The following GLI2 variants were observed in gnomAD, a reference collection of about 807,000 sequenced individuals.
GLI2 encodes the protein transcription activator GLI2.
GLI2 carries 22 observed loss-of-function variants against 78.9 expected under a neutral mutation model. That is an observed-to-expected ratio of 0.28 (90% confidence interval 0.20 to 0.40). GLI2 has a LOEUF of 0.40. Ranked by LOEUF, GLI2 falls within the 10% of genes least tolerant of loss-of-function variation. The pLI is 1.00. For missense variants in GLI2, 2,097 were observed against 2,213.2 expected (o/e 0.95, Z 1.05); for synonymous variants, 974 against 963.7 (o/e 1.01, Z -0.20).
chr2:120,824,946 C>T (rs1395829578), intron 2 of GLI2, among the ~76,000 whole-genome samples: 1 of 152,162 alleles, frequency 6.6e-6, no homozygotes. Flanking sequence ...AGCAATCCTC[C>T]CACCTCACCC....
intron 1 of GLI2, among the ~76,000 whole-genome samples, chr2:120,795,743 A>G (rs1028573062): frequency 4.0e-5 from 6 of 151,558 alleles, no homozygotes; most frequent in African/African-American, 1.5e-4. Flanking sequence ...TATCTTCCCC[A>G]CCACCTTCTT....
rs551524843 is a variant in GLI2 at position 120,835,132 on chromosome 2, C to G, written c.148+37664C>G. On this transcript the variant is annotated intron_variant, in intron 2 of 13. Transcript: ENST00000361492. The stretch of plus-strand genomic sequence containing the variant: ...GAAAGTGATCATCAAACAGTGAAGA[C>G]CAGGATTTGGGGGTGGTATGGGTGG... Among the ~76,000 whole-genome samples, 564 of 152,188 alleles carry G rather than the reference C, an allele frequency of 3.7e-3. 2 individuals are homozygous for G. Among genetic ancestry groups the G allele is most frequent in the Admixed American group, 6.4e-3 (98 of 15,286 alleles).
intron 2 of GLI2, among the ~76,000 whole-genome samples, chr2:120,924,637 T>G (rs945223986): frequency 6.6e-6 from 1 of 152,192 alleles, no homozygotes; most frequent in Non-Finnish European, 1.5e-5. Flanking sequence ...TTTAAGGCCC[T>G]TTTCTACACA....
chr2:120,853,653 A>G (rs1687511461), intron 2 of GLI2, among the ~76,000 whole-genome samples: 1 of 152,222 alleles, frequency 6.6e-6, no homozygotes, highest in African/African-American at 2.4e-5. Context: ...TCATTTTCCA[A>G]TGAAGGTCTC....
chr2:120,969,445 C>T (rs1051659406), intron 6 of GLI2, among the ~76,000 whole-genome samples: 4 of 152,336 alleles, frequency 2.6e-5, no homozygotes, highest in East Asian at 1.9e-4. Context: ...CCAGCACCTC[C>T]GGAAGAGGCC....
At chr2:120,922,633 G>C (rs941846251) in intron 2 of GLI2, among the ~76,000 whole-genome samples, 6 of 152,212 alleles carry the variant, frequency 3.9e-5, no homozygotes, top group Non-Finnish European at 7.3e-5. Flanking sequence ...CCATGAGGCA[G>C]CAGACCTTGC....
intron 2 of GLI2, among the ~76,000 whole-genome samples, chr2:120,817,742 TC>T (rs1025470758): frequency 2.6e-5 from 4 of 152,080 alleles, no homozygotes; most frequent in African/African-American, 9.7e-5. Flanking sequence ...GTGCTGGATG[TC>T]CCAGGCTGTG....
chr2:120,970,549 C>T lies in GLI2; in HGVS notation c.1002C>T (p.Ile334=). The T allele has an allele frequency of 6.2e-7, 1 of 1,614,186 alleles. No homozygotes were observed. The highest frequency in any genetic ancestry group is 8.5e-7 in the Non-Finnish European group (1 of 1,180,024). Reference sequence around the variant, plus strand: ...AGCAGCCCATGGCCCTCACCTCCATCAATGCCACGCCCACCCAGCTCAGCA... The same window carrying T: ...AGCAGCCCATGGCCCTCACCTCCATTAATGCCACGCCCACCCAGCTCAGCA... The part of the protein sequence containing the change: ...LAQQPMALTS[I]NATPTQLSSS... The change falls in exon 7 of 14, where the codon ATC becomes ATT. Residue 334 remains isoleucine, a synonymous_variant. Coordinates refer to ENST00000361492, the MANE Select transcript of GLI2 (RefSeq NM_001374353.1).
Position 120,955,251 on chromosome 2 carries a change from A to C in GLI2, c.464A>C (p.Gln155Pro). Residue 155 changes from glutamine to proline, a missense_variant, in exon 5 of 14, where the codon CAG (glutamine) becomes CCG (proline). Coordinates refer to ENST00000361492, the MANE Select transcript of GLI2 (RefSeq NM_001374353.1). Reference sequence around the variant, plus strand: ...CTCTCCCCTCTGCCCACAGTGGCCCAGGAGCACCTTAAGGAGAGGGGACTG... The same window carrying C: ...CTCTCCCCTCTGCCCACAGTGGCCCCGGAGCACCTTAAGGAGAGGGGACTG... The part of the protein sequence containing the change: ...ARGLSPADVA[Q>P]EHLKERGLFG... The C allele has an allele frequency of 6.5e-7, 1 of 1,550,226 alleles. No individual in the cohort carries two copies.
chr2:120,947,059 G>A (rs1001971890), intron 3 of GLI2, among the ~76,000 whole-genome samples: 2 of 152,220 alleles, frequency 1.3e-5, no homozygotes, highest in African/African-American at 2.4e-5. Flanking sequence ...GTGATGACCT[G>A]GTAGGGGTGG....
chr2:120,887,936 C>A (rs956473988), intron 2 of GLI2, among the ~76,000 whole-genome samples: 3 of 152,240 alleles, frequency 2.0e-5, no homozygotes, highest in African/African-American at 7.2e-5. Flanking sequence ...TGCTCCACTC[C>A]AAGCCAGGGA....
intron 10 of GLI2, 142 bp downstream of exon 10, chr2:120,978,725 T>C: frequency 1.1e-6 from 1 of 908,490 alleles, no homozygotes; most frequent in Non-Finnish European, 1.7e-6. Context: ...CAGGAGCCTG[T>C]TCCCACCCTG....
At chr2:120,977,806 A>T (rs965176682) in intron 9 of GLI2, among the ~76,000 whole-genome samples, 33 of 152,312 alleles carry the variant, frequency 2.2e-4, no homozygotes, top group African/African-American at 7.7e-4. Flanking sequence ...CACCACGCCG[A>T]CTGCCAGGGC....
intron 2 of GLI2, among the ~76,000 whole-genome samples, chr2:120,828,861 C>CAAAAAAAA (rs3053863): frequency 1.6e-5 from 2 of 125,970 alleles, no homozygotes; most frequent in Non-Finnish European, 1.6e-5. Flanking sequence ...CTTCCAACTC[C>CAAAAAAAA]AAAAAAAAAA....
intron 1 of GLI2, among the ~76,000 whole-genome samples, chr2:120,780,427 G>A (rs1019771981): frequency 3.3e-5 from 5 of 152,230 alleles, no homozygotes; most frequent in Non-Finnish European, 5.9e-5. Flanking sequence ...AAGGGAGGAA[G>A]ACAGGGAGGG....
chr2:120,859,261 A>G (rs1325496234), intron 2 of GLI2, among the ~76,000 whole-genome samples: 1 of 152,234 alleles, frequency 6.6e-6, no homozygotes, highest in Non-Finnish European at 1.5e-5. Flanking sequence ...TGGCAAAAGC[A>G]GAAGCCTAGG....
intron 1 of GLI2, among the ~76,000 whole-genome samples, chr2:120,787,432 T>G (rs1176448727): frequency 6.6e-6 from 1 of 152,102 alleles, no homozygotes; most frequent in Non-Finnish European, 1.5e-5. Context: ...CTCCCTGCCT[T>G]CTCAGTCTTG....
intron 2 of GLI2, among the ~76,000 whole-genome samples, chr2:120,869,579 T>G (rs530943910): frequency 6.6e-6 from 1 of 152,198 alleles, no homozygotes; most frequent in Non-Finnish European, 1.5e-5. Flanking sequence ...TATGATAGAT[T>G]GGTTAAAATA....
intron 3 of GLI2, among the ~76,000 whole-genome samples, chr2:120,928,792 G>A (rs57977193): frequency 0.03 from 4,518 of 152,284 alleles, 76 homozygotes; most frequent in Middle Eastern, 0.048. Flanking sequence ...AATAATTAAG[G>A]TCATACAAAA....
Sources: gnomAD v4.1 joint callset for allele counts (sites outside exome capture counted in the v4.1 genomes callset) on GRCh38, gnomAD v4.1.1 for gene constraint, MANE v1.5 for transcripts, NCBI Gene and HGNC (gene_info 2026-07-23, HGNC 2026-07-21) for gene names.